Variants in PPM1F observed in about 807,000 individuals in gnomAD.
PPM1F encodes the protein protein phosphatase 1F.
Under a neutral mutation model 35.5 loss-of-function variants are expected in PPM1F, and 17 were observed. The ratio of observed to expected loss-of-function variants is 0.48; its 90% CI spans 0.33 to 0.72. The LOEUF (loss-of-function observed/expected upper bound fraction) is 0.72. Ranked by LOEUF, PPM1F falls within the 30% of genes least tolerant of loss-of-function variation. PPM1F has a pLI of 0.02. For synonymous variants in PPM1F, 241 were observed against 255.5 expected (o/e 0.94, Z 0.54); for missense variants, 521 against 613.0 (o/e 0.85, Z 1.59).
chr22:21,933,055 GT>G (rs2070611778), intron 5 of PPM1F, among the ~76,000 whole-genome samples: 3 of 152,270 alleles, frequency 2.0e-5, no homozygotes, highest in East Asian at 3.9e-4. Context: ...TAGACTCTTT[GT>G]TAAGGTCCTG....
In PPM1F at chr22:21,923,106, G is replaced by T; in HGVS notation, c.1351C>A (p.Pro451Thr). The T allele has an allele frequency of 1.9e-6, 3 of 1,604,536 alleles. No individual in the cohort carries two copies. Among genetic ancestry groups the T allele is most frequent in the South Asian group, 1.1e-5 (1 of 90,522 alleles). ...SSLPEPETQA[P>T]PRS ...CTGGAAACCACCTAGCTTCTTGGTG[G>T]AGCCTGGGTCTCAGGTTCTGGAAGG... Residue 451 changes from proline to threonine, a missense_variant, in exon 8 of 8, where the codon CCA (proline) becomes ACA (threonine). Around this residue, in one of 3 missense-constraint regions of PPM1F, gnomAD observed 163 missense variants for 169.6 expected, o/e 0.96. Coordinates refer to ENST00000263212, the MANE Select transcript of PPM1F (RefSeq NM_014634.4).
At chr22:21,928,883 TCCC>T (rs776005819) in intron 6 of PPM1F, among the ~76,000 whole-genome samples, 8 of 152,016 alleles carry the variant, frequency 5.3e-5, no homozygotes, top group Non-Finnish European at 1.2e-4. Flanking sequence ...CTCCTCCTGC[TCCC>T]CCATTAGACT....
chr22:21,932,593 C>T (rs1417914508), intron 5 of PPM1F: 1 of 152,134 alleles, frequency 6.6e-6, no homozygotes, highest in African/African-American at 2.4e-5. Context: ...CCTCACAGGG[C>T]TACAAGGAGG....
intron 2 of PPM1F, chr22:21,944,771 A>C (rs1236760876): frequency 6.6e-6 from 1 of 152,214 alleles, no homozygotes; most frequent in Non-Finnish European, 1.5e-5. Context: ...TGAATGAATA[A>C]ATGAAGGGGA....
chr22:21,943,709 T>G (rs1312495489), intron 2 of PPM1F: 2 of 152,676 alleles, frequency 1.3e-5, no homozygotes, highest in Admixed American at 1.3e-4. Flanking sequence ...GATCCTTCCC[T>G]GGGACCCTGC....
At chr22:21,945,537 A>C in intron 2 of PPM1F, 1 of 381,596 alleles carries the variant, frequency 2.6e-6, no homozygotes, top group South Asian at 3.4e-5. Flanking sequence ...CAGGAAGTCA[A>C]GGCCAGGCAC....
intron 3 of PPM1F, chr22:21,938,390 A>G: frequency 8.6e-7 from 1 of 1,160,632 alleles, no homozygotes; most frequent in Non-Finnish European, 1.1e-6. Context: ...CTCCCAGGCT[A>G]AGGCAAGGCT....
intron 7 of PPM1F, among the ~76,000 whole-genome samples, chr22:21,924,259 C>G (rs1198907221): frequency 6.9e-6 from 1 of 144,868 alleles, no homozygotes; most frequent in African/African-American, 2.5e-5. Flanking sequence ...GAGATGCAGG[C>G]TGGACCCACT....
At chr22:21,937,041 G>A (rs2070667714) in intron 3 of PPM1F, 1 of 152,182 alleles carries the variant, frequency 6.6e-6, no homozygotes, top group East Asian at 1.9e-4. Context: ...CTGGCTTCAG[G>A]GACTCATGTC....
chr22:21,947,326 T>G (rs1857445372), intron 1 of PPM1F: 1 of 152,070 alleles, frequency 6.6e-6, no homozygotes, highest in Non-Finnish European at 1.5e-5. Flanking sequence ...GACCCTTCTC[T>G]CTCCTGCCCC....
At chr22:21,927,762 G>A (rs947193231) in intron 6 of PPM1F, among the ~76,000 whole-genome samples, 4 of 152,086 alleles carry the variant, frequency 2.6e-5, no homozygotes, top group African/African-American at 7.2e-5. Context: ...GGCTCCCCGG[G>A]CTCGCCCCTC....
At position 21,931,271 on chromosome 22, in the gene PPM1F, T is replaced by C. The variant is rs763111168; in HGVS notation, c.768A>G (p.Thr256=). Residue 256 remains threonine (T), a synonymous_variant, in exon 6 of 8, where the codon ACA becomes ACG. Transcript: ENST00000263212. ...AKRERLQSGT[T]GVCALIAGAT... ...CTCCTGCAATGAGCGCACACACACCTGTGGTGCCGCTCTGCAGCCGCTGCA... is the reference window on the plus strand; with the variant it reads ...CTCCTGCAATGAGCGCACACACACCCGTGGTGCCGCTCTGCAGCCGCTGCA... The C allele has an allele frequency of 3.4e-5, 55 of 1,612,666 alleles. 1 individual carries two copies. In the South Asian group the frequency reaches 5.6e-4, roughly 16 times the overall value.
At position 21,934,123 on chromosome 22, in the gene PPM1F, C is replaced by A; in HGVS notation, c.459G>T (p.Arg153=). ...TGGCGTGGATGGAGACCAGCCACTG[C>A]CGCTGTGAGGCCCGGGCAGCCAATG... ...QVPLAARASQ[R]QWLVSIHAIR... is the part of the protein sequence containing the mutation. Residue 153 remains arginine, a synonymous_variant, in exon 4 of 8, where the codon CGG becomes CGT. Coordinates refer to ENST00000263212, the MANE Select transcript of PPM1F (RefSeq NM_014634.4). 6.4e-7 allele frequency: 1 copy of A among 1,568,904 alleles called. No individual in the cohort carries two copies. The highest frequency in any genetic ancestry group is 8.6e-7 in the Non-Finnish European group (1 of 1,157,068).
At chr22:21,947,272 C>A (rs1040211998) in intron 1 of PPM1F, 3 of 152,988 alleles carry the variant, frequency 2.0e-5, no homozygotes, top group African/African-American at 7.2e-5. Flanking sequence ...GATTCACCTC[C>A]AGGCCCCACA....
chr22:21,935,684 C>G (rs1210735467), intron 3 of PPM1F: 1 of 152,162 alleles, frequency 6.6e-6, no homozygotes, highest in Non-Finnish European at 1.5e-5. Context: ...GCCTGGATAA[C>G]ATAAAGAGAC....
Position 21,927,942 on chromosome 22 carries a change from G to GTTTTTTTTTTTTTTTT in PPM1F, c.892-2296_892-2281dup, listed in dbSNP as rs60216371. 4.4e-4 allele frequency among the ~76,000 whole-genome samples: 33 copies of GTTTTTTTTTTTTTTTT among 75,148 alleles called. 1 individual carries two copies. Among genetic ancestry groups the GTTTTTTTTTTTTTTTT allele is most frequent in the East Asian group, 1.1e-3 (2 of 1,812 alleles). The allele number at this position is 75,148 out of a possible 152,430, so 49.3% of individuals were successfully genotyped here. ...GATTCTTGATTCTGTTTTTTGTTTT[G>GTTTTTTTTTTTTTTTT]TTTTTTTTTTTTTTTTTTTTTTTTT... On this transcript the variant is annotated intron_variant, in intron 6 of 7. Coordinates refer to ENST00000263212, the MANE Select transcript of PPM1F (RefSeq NM_014634.4).
rs1439242488 is a variant in PPM1F at position 21,939,414 on chromosome 22, T to A, written c.355+118A>T. ...TCTCTGCTCCTTGATTCTGCTGCCG[T>A]TGTGAGCGAGGGCCCCAGCACCCTT... On this transcript the variant is annotated intron_variant, in intron 3 of 7. Transcript: ENST00000263212. This position sits in a 1 kb window ranked among gnomAD's most constrained non-coding sequence, Gnocchi z 5.1. The A allele has an allele frequency of 2.9e-6, 4 of 1,356,004 alleles. No individual in the cohort carries two copies. The African/African-American group carries it at 4.4e-5, about 15-fold the overall frequency. The allele number at this position is 1,356,004 out of a possible 1,614,324, so 84.0% of individuals were successfully genotyped here.
At chr22:21,923,717 T>C (rs556216275) in intron 7 of PPM1F, among the ~76,000 whole-genome samples, 1 of 152,226 alleles carries the variant, frequency 6.6e-6, no homozygotes, top group East Asian at 1.9e-4. Context: ...GGAGTCTTGC[T>C]CTGTCGCCAG....
At chr22:21,928,873 C>T (rs983497856) in intron 6 of PPM1F, among the ~76,000 whole-genome samples, 5 of 152,208 alleles carry the variant, frequency 3.3e-5, no homozygotes, top group Non-Finnish European at 5.9e-5. Context: ...GGTCCTTGCC[C>T]TCCTCCTGCT....
Sources: gnomAD v4.1 joint callset for allele counts (sites outside exome capture counted in the v4.1 genomes callset) on GRCh38, gnomAD v4.1.1 for gene constraint, gnomAD v4.1.1 regional missense constraint, Gnocchi (gnomAD v3.1) non-coding constraint, MANE v1.5 for transcripts, NCBI Gene and HGNC (gene_info 2026-07-23, HGNC 2026-07-21) for gene names.